Variants in DTNB observed in about 807,000 individuals in gnomAD.
DTNB encodes the protein dystrobrevin beta, also known as DTN-B.
In DTNB, 63 loss-of-function variants were observed where a neutral mutation model predicts 90.7. The ratio of observed to expected loss-of-function variants is 0.69; its 90% CI spans 0.57 to 0.86. DTNB has a LOEUF of 0.86. DTNB is among the 40% of genes least tolerant of loss of function. The pLI is 0.00. For synonymous variants in DTNB, 277 were observed against 286.7 expected, an observed-to-expected ratio of 0.97 and a Z score of 0.34; for missense variants, 744 against 807.1, an observed-to-expected ratio of 0.92 and a Z score of 0.95.
intron 8 of DTNB, among the ~76,000 whole-genome samples, chr2:25,556,394 T>G (rs940498289): frequency 6.6e-6 from 1 of 152,170 alleles, no homozygotes; most frequent in Non-Finnish European, 1.5e-5. Flanking sequence ...CTGTACACCC[T>G]TGCCAAAACT....
At chr2:25,454,664 A>G (rs532851828) in intron 11 of DTNB, among the ~76,000 whole-genome samples, 4 of 152,328 alleles carry the variant, frequency 2.6e-5, no homozygotes, top group Non-Finnish European at 5.9e-5. Flanking sequence ...TCGGTATTAA[A>G]TCTTTTAAAA....
intron 10 of DTNB, chr2:25,481,559 G>A (rs2064974390): frequency 3.3e-5 from 5 of 152,264 alleles, no homozygotes; most frequent in Admixed American, 2.6e-4. Flanking sequence ...CTCTCTTGCT[G>A]CTGGAAAGTG....
chr2:25,419,445 C>T, intron 16 of DTNB, 70 bp downstream of exon 16: 1 of 1,550,764 alleles, frequency 6.4e-7, no homozygotes, highest in Non-Finnish European at 8.7e-7. Context: ...AGAGGAGAAA[C>T]ATTTATATGA....
intron 3 of DTNB, among the ~76,000 whole-genome samples, chr2:25,634,065 G>A (rs1370297246): frequency 6.6e-6 from 1 of 151,928 alleles, no homozygotes; most frequent in African/African-American, 2.4e-5. Flanking sequence ...GCAGCCAGGA[G>A]GGAGGTGGGG....
At chr2:25,527,407 C>T (rs1188997360) in intron 9 of DTNB, among the ~76,000 whole-genome samples, 1 of 152,072 alleles carries the variant, frequency 6.6e-6, no homozygotes, top group East Asian at 1.9e-4. Flanking sequence ...CCTGTAGTCC[C>T]AGCTACTCAG....
chr2:25,661,087 G>A (rs2083090802), intron 1 of DTNB, among the ~76,000 whole-genome samples: 1 of 152,188 alleles, frequency 6.6e-6, no homozygotes, highest in South Asian at 2.1e-4. Flanking sequence ...GGTCATATGT[G>A]TTTCCTTTTC....
intron 8 of DTNB, among the ~76,000 whole-genome samples, chr2:25,533,990 ATTTT>A (rs34352170): frequency 6.8e-6 from 1 of 147,558 alleles, no homozygotes; most frequent in African/African-American, 2.5e-5. Context: ...TGCAGCGTTT[ATTTT>A]TTTTTTAATT....
At chr2:25,495,693 G>A (rs13017850) in intron 9 of DTNB, among the ~76,000 whole-genome samples, 8 of 151,986 alleles carry the variant, frequency 5.3e-5, no homozygotes, top group Admixed American at 2.6e-4. Flanking sequence ...GTTACCTCAC[G>A]GGGTTCTATG....
At chr2:25,446,673 TTCTA>T (rs1282480386) in intron 12 of DTNB, among the ~76,000 whole-genome samples, 1 of 152,200 alleles carries the variant, frequency 6.6e-6, no homozygotes, top group African/African-American at 2.4e-5. Context: ...TTTCTGAGGA[TTCTA>T]TCTTTGTATT....
chr2:25,384,033 A>C, intron 18 of DTNB, 144 bp from the exon 19 acceptor site: 2 of 1,530,564 alleles, frequency 1.3e-6, no homozygotes, highest in Non-Finnish European at 1.7e-6. Flanking sequence ...GCTTCAGCTC[A>C]CCAGTCTGCA....
chr2:25,659,817 A>G (rs1414454831), intron 1 of DTNB, among the ~76,000 whole-genome samples: 1 of 152,198 alleles, frequency 6.6e-6, no homozygotes, highest in Non-Finnish European at 1.5e-5. Context: ...CCCTTCCAGA[A>G]AACAAAAGAC....
At chr2:25,593,115 TCATG>T (rs2063868277) in intron 6 of DTNB, among the ~76,000 whole-genome samples, 6 of 152,160 alleles carry the variant, frequency 3.9e-5, no homozygotes, top group African/African-American at 1.4e-4. Context: ...GTGAAGCAGC[TCATG>T]GGTCCTTGAA....
At chr2:25,416,804 C>CAAG (rs2048056567) in intron 16 of DTNB, among the ~76,000 whole-genome samples, 1 of 129,962 alleles carries the variant, frequency 7.7e-6, no homozygotes, top group Admixed American at 8.0e-5. Flanking sequence ...AAGGAAGGAA[C>CAAG]GAAGGAAGGA....
chr2:25,399,438 G>C (rs1242723292), intron 16 of DTNB: 1 of 148,404 alleles, frequency 6.7e-6, no homozygotes, highest in African/African-American at 2.5e-5. Context: ...CCACCTCCTG[G>C]GTTCAAGTGA....
chr2:25,600,814 C>A (rs1020779648), intron 5 of DTNB, among the ~76,000 whole-genome samples: 1 of 152,024 alleles, frequency 6.6e-6, no homozygotes, highest in Non-Finnish European at 1.5e-5. Context: ...ACTAACCACT[C>A]CCACAAAAAA....
intron 8 of DTNB, among the ~76,000 whole-genome samples, chr2:25,532,245 C>CAAA (rs11352371): frequency 4.2e-4 from 31 of 74,202 alleles, no homozygotes; most frequent in African/African-American, 7.3e-4. Flanking sequence ...AACTCTGTCT[C>CAAA]AAAAAAAAAA....
intron 20 of DTNB, among the ~76,000 whole-genome samples, 171 bp from the exon 21 acceptor site, chr2:25,377,724 T>A (rs888813595): frequency 1.3e-5 from 2 of 152,182 alleles, no homozygotes; most frequent in African/African-American, 4.8e-5. Flanking sequence ...CCATCATTCC[T>A]AAGGGTCAGG....
intron 6 of DTNB, among the ~76,000 whole-genome samples, chr2:25,592,719 C>T (rs1295645938): frequency 1.3e-5 from 2 of 151,710 alleles, no homozygotes; most frequent in Non-Finnish European, 2.9e-5. Flanking sequence ...CATCAAAATG[C>T]TATAATGGAA....
intron 1 of DTNB, among the ~76,000 whole-genome samples, chr2:25,672,495 C>A (rs1198301383): frequency 6.6e-6 from 1 of 152,044 alleles, no homozygotes. Context: ...TCTAAGAGCC[C>A]CCTTTAAATG....
Sources: allele counts gnomAD v4.1 joint callset (sites outside exome capture counted in the v4.1 genomes callset), GRCh38; gene constraint gnomAD v4.1.1; transcripts MANE v1.5; gene names NCBI Gene and HGNC (gene_info 2026-07-23, HGNC 2026-07-21).